RAPGEF2: variants seen among roughly 807,000 people sequenced by gnomAD.
The protein encoded by RAPGEF2 is PDZ domain containing guanine nucleotide exchange factor (GEF) 1.
RAPGEF2 carries 54 observed loss-of-function variants against 186.7 expected under a neutral mutation model. The ratio of observed to expected loss-of-function variants is 0.29; its 90% CI spans 0.23 to 0.36. RAPGEF2 has a LOEUF of 0.36. Ranked by LOEUF, RAPGEF2 falls within the 10% of genes least tolerant of loss-of-function variation. RAPGEF2 has a pLI of 1.00. For missense variants in RAPGEF2, 1,532 were observed against 2,045.0 expected (o/e 0.75, Z 4.84); for synonymous variants, 712 against 705.9 (o/e 1.01, Z -0.14).
intron 4 of RAPGEF2, among the ~76,000 whole-genome samples, chr4:159,218,121 T>G (rs1354167497): frequency 1.3e-5 from 2 of 152,182 alleles, no homozygotes; most frequent in Non-Finnish European, 2.9e-5. Flanking sequence ...TACAGAAGGG[T>G]AACTTTATTG....
chr4:159,201,432 G>A lies in RAPGEF2; in HGVS notation c.197+8176G>A, dbSNP rs138100058. 3.7e-3 allele frequency among the ~76,000 whole-genome samples: 556 copies of A among 152,306 alleles called. 3 individuals are homozygous for A. The highest frequency in any genetic ancestry group is 0.012 in the African/African-American group (497 of 41,570). On this transcript the variant is annotated intron_variant, in intron 3 of 29. Coordinates refer to ENST00000691494, the MANE Select transcript of RAPGEF2 (RefSeq NM_001394067.2). ...TATTATGGTTGAAAGAGGTTTGGAC[G>A]CCTTGAAATCCCAAGGGCTCTTGAC...
In RAPGEF2 at chr4:159,167,998, TGAG is replaced by T. The variant is rs1455834536; in HGVS notation, c.70-18642_70-18640del. On this transcript the variant is annotated intron_variant, in intron 1 of 29. Coordinates refer to ENST00000691494, the MANE Select transcript of RAPGEF2 (RefSeq NM_001394067.2). Reference sequence around the variant, plus strand: ...GAAATGAAATTTAAAAATAAGGTGGTGAGGCTCATATGTGTAAATATGTATGAT... The same window carrying T: ...GAAATGAAATTTAAAAATAAGGTGGTGCTCATATGTGTAAATATGTATGAT... Among the ~76,000 whole-genome samples, 30 of 152,366 alleles carry T rather than the reference TGAG, an allele frequency of 2.0e-4. No individual in the cohort carries two copies. In the East Asian group the frequency reaches 2.7e-3, roughly 14 times the overall value.
rs1341867795 is a variant in RAPGEF2, at chr4:159,338,374, C to A, written c.2199C>A (p.Ile733=). ...TAGGATTAAGGCAGACAAAGCACAT[C>A]CCAACTGCATTGCCTGTCAGTGGAA... ...SIVGLRQTKH[I]PTALPVSGTL... Residue 733 remains isoleucine, a synonymous_variant, in exon 18 of 30, where the codon ATC becomes ATA. Transcript: ENST00000691494. 1.9e-6 allele frequency: 3 copies of A among 1,613,914 alleles called. No individual in the cohort carries two copies. The highest frequency in any genetic ancestry group is 2.5e-6 in the Non-Finnish European group (3 of 1,179,886).
At chr4:159,141,059 A>G (rs903580343) in intron 1 of RAPGEF2, among the ~76,000 whole-genome samples, 4 of 152,106 alleles carry the variant, frequency 2.6e-5, no homozygotes, top group African/African-American at 9.7e-5. Context: ...TCAGCCTCCC[A>G]AAGTGCTGGT....
At chr4:159,262,466 C>G (rs1346295283) in intron 7 of RAPGEF2, among the ~76,000 whole-genome samples, 1 of 152,206 alleles carries the variant, frequency 6.6e-6, no homozygotes, top group Admixed American at 6.5e-5. Flanking sequence ...AACCACTGTT[C>G]AAGGACTCCA....
chr4:159,206,288 A>T (rs2111357973), intron 3 of RAPGEF2, among the ~76,000 whole-genome samples: 1 of 152,286 alleles, frequency 6.6e-6, no homozygotes, highest in South Asian at 2.1e-4. Context: ...ACCTCATGTA[A>T]TTTATTGGAT....
intron 7 of RAPGEF2, among the ~76,000 whole-genome samples, chr4:159,293,301 A>G (rs1383109189): frequency 6.6e-6 from 1 of 152,172 alleles, no homozygotes; most frequent in Non-Finnish European, 1.5e-5. Flanking sequence ...TGCTGGATGC[A>G]GTACTTATCA....
intron 11 of RAPGEF2, chr4:159,329,631 A>C (rs1199723867): frequency 3.5e-6 from 1 of 286,002 alleles, no homozygotes; most frequent in East Asian, 5.7e-5. Flanking sequence ...AGGATTTTGA[A>C]TGTAAAATAC....
intron 7 of RAPGEF2, among the ~76,000 whole-genome samples, chr4:159,302,553 A>G (rs1045527978): frequency 5.3e-5 from 8 of 151,802 alleles, no homozygotes; most frequent in East Asian, 1.9e-4. Flanking sequence ...TATCCTGCCT[A>G]TTATTTATTT....
intron 4 of RAPGEF2, among the ~76,000 whole-genome samples, chr4:159,224,670 T>C (rs957642003): frequency 1.4e-4 from 21 of 152,104 alleles, no homozygotes; most frequent in African/African-American, 4.8e-4. Context: ...ACAGAGAGGC[T>C]GTAGGTGAAT....
intron 7 of RAPGEF2, among the ~76,000 whole-genome samples, chr4:159,290,694 G>A (rs1437800631): frequency 1.3e-5 from 2 of 151,852 alleles, no homozygotes; most frequent in African/African-American, 2.4e-5. Flanking sequence ...TAGGTAATGT[G>A]TGCTTGACGA....
chr4:159,189,950 A>G (rs911892929), intron 2 of RAPGEF2, among the ~76,000 whole-genome samples: 29 of 152,228 alleles, frequency 1.9e-4, no homozygotes, highest in African/African-American at 6.8e-4. Context: ...TGGAGCAGAA[A>G]AGATTGATAT....
At chr4:159,345,851 G>GTT (rs796568659) in intron 24 of RAPGEF2, among the ~76,000 whole-genome samples, 21 of 146,268 alleles carry the variant, frequency 1.4e-4, no homozygotes, top group East Asian at 9.9e-4. Context: ...AAATGGGGCA[G>GTT]TTTTTTTTTT....
At chr4:159,169,919 T>G (rs1349566349) in intron 1 of RAPGEF2, among the ~76,000 whole-genome samples, 2 of 152,272 alleles carry the variant, frequency 1.3e-5, no homozygotes, top group Admixed American at 1.3e-4. Flanking sequence ...TTCATTTCCT[T>G]GAATATATAG....
In RAPGEF2 at chr4:159,339,234, C is replaced by G. The variant is rs895162963; in HGVS notation, c.2414C>G (p.Thr805Ser). Residue 805 changes from threonine (T) to serine (S), a missense_variant, in exon 19 of 30, where the codon ACT becomes AGT. Around this residue, in one of 4 missense-constraint regions of RAPGEF2, gnomAD observed 810 missense variants for 1,210.5 expected, o/e 0.67. Coordinates refer to ENST00000691494, the MANE Select transcript of RAPGEF2 (RefSeq NM_001394067.2). ...CAGGCTATCAGGGAGTTTGCTGTTA[C>G]TGCCACCCCGGATCAATATTCACTA... Reference protein sequence around the residue: ...VIQAIREFAVTATPDQYSLCE... With the variant: ...VIQAIREFAVSATPDQYSLCE... 1.2e-6 allele frequency: 2 copies of G among 1,614,164 alleles called. No individual in the cohort carries two copies. Among genetic ancestry groups the G allele is most frequent in the Non-Finnish European group, 1.7e-6 (2 of 1,180,004 alleles).
chr4:159,261,518 CA>C (rs1756877501), intron 7 of RAPGEF2, among the ~76,000 whole-genome samples: 1 of 152,202 alleles, frequency 6.6e-6, no homozygotes, highest in South Asian at 2.1e-4. Context: ...TAAAGCAACA[CA>C]AGTGAATATT....
At chr4:159,164,765 A>G (rs1034069573) in intron 1 of RAPGEF2, among the ~76,000 whole-genome samples, 1 of 152,226 alleles carries the variant, frequency 6.6e-6, no homozygotes. Context: ...TAAGCTGTTG[A>G]GATGTGACGT....
chr4:159,184,443 G>A (rs76198803), intron 1 of RAPGEF2, among the ~76,000 whole-genome samples: 3 of 152,304 alleles, frequency 2.0e-5, no homozygotes, highest in East Asian at 1.9e-4. Context: ...TCTAACTGGT[G>A]TGAGATGGTA....
At chr4:159,128,521 T>C (rs1323053457) in intron 1 of RAPGEF2, among the ~76,000 whole-genome samples, 6 of 152,214 alleles carry the variant, frequency 3.9e-5, no homozygotes, top group African/African-American at 7.2e-5. Flanking sequence ...GGCTAAGATC[T>C]TCTTAATATT....
Sources: gnomAD v4.1 joint callset for allele counts (sites outside exome capture counted in the v4.1 genomes callset) on GRCh38, gnomAD v4.1.1 for gene constraint, gnomAD v4.1.1 regional missense constraint, MANE v1.5 for transcripts, NCBI Gene and HGNC (gene_info 2026-07-23, HGNC 2026-07-21) for gene names.